RUNDC3B: variants seen among roughly 807,000 people sequenced by gnomAD.
RUNDC3B encodes the protein RUN domain-containing protein 3B.
In RUNDC3B, 33 loss-of-function variants were observed where a neutral mutation model predicts 58.4. That is an observed-to-expected ratio of 0.56 (90% confidence interval 0.43 to 0.75). The LOEUF (loss-of-function observed/expected upper bound fraction) is 0.75, where lower values mean the gene tolerates loss of function less well. Among genes scored for constraint, RUNDC3B ranks in the 30% least tolerant of loss-of-function variants. The probability of loss-of-function intolerance (pLI) is 0.00; values close to 1 mark genes in which losing one functional copy is unlikely to be tolerated. For synonymous variants in RUNDC3B, 193 were observed against 195.2 expected (o/e 0.99, Z 0.10); for missense variants, 501 against 535.7 (o/e 0.94, Z 0.64).
chr7:87,691,169 A>C (rs1356917763), intron 2 of RUNDC3B, among the ~76,000 whole-genome samples: 4 of 152,154 alleles, frequency 2.6e-5, no homozygotes, highest in Admixed American at 2.6e-4. Flanking sequence ...TATTTGTTTA[A>C]AACAGTGGCC....
intron 10 of RUNDC3B, among the ~76,000 whole-genome samples, chr7:87,825,077 C>T (rs1158372949): frequency 6.6e-6 from 1 of 151,954 alleles, no homozygotes; most frequent in African/African-American, 2.4e-5. Context: ...AAAAAATTAG[C>T]TGGGCATGGT....
intron 5 of RUNDC3B, 110 bp downstream of exon 5, chr7:87,739,990 AT>A: frequency 2.1e-6 from 1 of 477,580 alleles, no homozygotes; most frequent in Non-Finnish European, 3.7e-6. Context: ...GGATATTGTT[AT>A]TTGATTCATG....
chr7:87,679,689 C>T (rs1453021106), intron 2 of RUNDC3B, among the ~76,000 whole-genome samples: 1 of 150,408 alleles, frequency 6.6e-6, no homozygotes, highest in Non-Finnish European at 1.5e-5. Flanking sequence ...TGTGCCTGGC[C>T]ACCCCAACAT....
chr7:87,657,523 G>A (rs1824229784), intron 2 of RUNDC3B, among the ~76,000 whole-genome samples: 1 of 152,152 alleles, frequency 6.6e-6, no homozygotes, highest in Non-Finnish European at 1.5e-5. Flanking sequence ...TATCAGAGAA[G>A]GCCAGAGAGA....
intron 8 of RUNDC3B, among the ~76,000 whole-genome samples, chr7:87,803,231 A>G (rs558436297): frequency 6.6e-6 from 1 of 152,344 alleles, no homozygotes; most frequent in East Asian, 1.9e-4. Context: ...TTTGAAAAAT[A>G]AAACAGCTCT....
At chr7:87,637,639 ATATT>A (rs943689117) in intron 1 of RUNDC3B, among the ~76,000 whole-genome samples, 6 of 152,030 alleles carry the variant, frequency 3.9e-5, no homozygotes, top group Non-Finnish European at 8.8e-5. Context: ...ATCTCTTATT[ATATT>A]TATTCTTGCA....
At position 87,831,331 on chromosome 7, in the gene RUNDC3B, ACATT is replaced by A. The variant is rs983930228; in HGVS notation, c.*1307_*1310del. On this transcript the variant is annotated 3_prime_UTR_variant, in exon 11 of 11. Coordinates refer to ENST00000394654, the MANE Select transcript of RUNDC3B (RefSeq NM_001134405.2). ...TATTGAGAAAAGAGCTGAGGTTACC[ACATT>A]CATTCTTTGTGTTAGAAATGTAGGA... 6.6e-5 allele frequency: 10 copies of A among 151,852 alleles called. No individual in the cohort carries two copies. Among genetic ancestry groups the A allele is most frequent in the Non-Finnish European group, 1.5e-4 (10 of 67,842 alleles). The allele number at this position is 151,852 out of a possible 1,614,324, so 9.4% of individuals were successfully genotyped here.
At chr7:87,809,970 G>A (rs575072767) in intron 9 of RUNDC3B, among the ~76,000 whole-genome samples, 2 of 152,144 alleles carry the variant, frequency 1.3e-5, no homozygotes, top group South Asian at 4.2e-4. Context: ...GAAGGAGGTG[G>A]CTAAAACCTT....
chr7:87,757,913 C>T (rs575067067), intron 6 of RUNDC3B, among the ~76,000 whole-genome samples: 2 of 152,136 alleles, frequency 1.3e-5, no homozygotes, highest in East Asian at 3.8e-4. Context: ...AAAGGACACT[C>T]TCTTCAATAA....
intron 4 of RUNDC3B, among the ~76,000 whole-genome samples, chr7:87,735,024 A>G (rs1831844262): frequency 6.6e-6 from 1 of 151,862 alleles, no homozygotes; most frequent in Non-Finnish European, 1.5e-5. Flanking sequence ...AGTTTCGTCC[A>G]TTCCCCTGGC....
chr7:87,729,563 T>C (rs1258737527), intron 4 of RUNDC3B, among the ~76,000 whole-genome samples: 1 of 152,144 alleles, frequency 6.6e-6, no homozygotes, highest in Non-Finnish European at 1.5e-5. Flanking sequence ...TCCATTTCAG[T>C]GGTAGGAGCC....
intron 2 of RUNDC3B, among the ~76,000 whole-genome samples, chr7:87,655,196 G>C (rs531135303): frequency 1.2e-4 from 18 of 152,066 alleles, no homozygotes; most frequent in Non-Finnish European, 2.1e-4. Context: ...GAACCTCCAT[G>C]TAAACCAGCA....
At chr7:87,796,376 A>G (rs1181756730) in intron 8 of RUNDC3B, among the ~76,000 whole-genome samples, 1 of 152,194 alleles carries the variant, frequency 6.6e-6, no homozygotes, top group Non-Finnish European at 1.5e-5. Context: ...AATAATTAGA[A>G]TGAATAAGAC....
At chr7:87,730,586 G>A (rs1831519180) in intron 4 of RUNDC3B, among the ~76,000 whole-genome samples, 1 of 151,984 alleles carries the variant, frequency 6.6e-6, no homozygotes, top group African/African-American at 2.4e-5. Context: ...CTTTCACGAG[G>A]TTCTGTCTAT....
intron 4 of RUNDC3B, among the ~76,000 whole-genome samples, chr7:87,722,346 C>A (rs1235486807): frequency 6.6e-6 from 1 of 152,066 alleles, no homozygotes; most frequent in Non-Finnish European, 1.5e-5. Context: ...TTGATCAACA[C>A]CTCCCATGCC....
intron 6 of RUNDC3B, among the ~76,000 whole-genome samples, chr7:87,769,238 T>A (rs1315037099): frequency 6.6e-6 from 1 of 152,066 alleles, no homozygotes; most frequent in Non-Finnish European, 1.5e-5. Context: ...CTTGAACTTC[T>A]GGCCTCAAGT....
At chr7:87,731,415 CAAT>C (rs1831569499) in intron 4 of RUNDC3B, among the ~76,000 whole-genome samples, 1 of 151,938 alleles carries the variant, frequency 6.6e-6, no homozygotes, top group Non-Finnish European at 1.5e-5. Context: ...TCCTATTTAT[CAAT>C]AATAACATTG....
chr7:87,630,604 T>TG (rs959962404), intron 1 of RUNDC3B, among the ~76,000 whole-genome samples: 11 of 151,886 alleles, frequency 7.2e-5, no homozygotes, highest in African/African-American at 2.7e-4. Flanking sequence ...CAGTGCTTCT[T>TG]GGGGGGTAAC....
intron 2 of RUNDC3B, among the ~76,000 whole-genome samples, chr7:87,698,765 T>C (rs1384683317): frequency 2.0e-5 from 3 of 152,146 alleles, no homozygotes; most frequent in Admixed American, 6.5e-5. Context: ...GCCTAATATG[T>C]GAAATAATCA....
Sources: gnomAD v4.1 joint callset for allele counts (sites outside exome capture counted in the v4.1 genomes callset) on GRCh38, gnomAD v4.1.1 for gene constraint, MANE v1.5 for transcripts, NCBI Gene and HGNC (gene_info 2026-07-23, HGNC 2026-07-21) for gene names.